Variants in PTPRD observed in about 807,000 individuals in gnomAD.
PTPRD encodes the protein protein tyrosine phosphatase receptor type D.
A neutral mutation model predicts 214.5 loss-of-function variants in PTPRD; 34 were observed. That is an observed-to-expected ratio of 0.16 (90% CI 0.12 to 0.21). The LOEUF (loss-of-function observed/expected upper bound fraction) is 0.21, where lower values mean the gene tolerates loss of function less well. PTPRD is among the 10% of genes least tolerant of loss of function. PTPRD has a pLI of 1.00. For missense variants in PTPRD, 2,545 were observed against 2,398.7 expected, an observed-to-expected ratio of 1.06 and a Z score of -1.27; for synonymous variants, 1,128 against 845.7, an observed-to-expected ratio of 1.33 and a Z score of -5.79.
intron 14 of PTPRD, among the ~76,000 whole-genome samples, chr9:8,545,538 T>C (rs2079834005): frequency 6.6e-6 from 1 of 152,228 alleles, no homozygotes; most frequent in Admixed American, 6.5e-5. Flanking sequence ...CAGAGTCAAC[T>C]ATCACTGATT....
chr9:8,910,020 A>AATTT (rs1357767144), intron 11 of PTPRD, among the ~76,000 whole-genome samples: 28 of 151,674 alleles, frequency 1.8e-4, no homozygotes, highest in African/African-American at 6.3e-4. Flanking sequence ...CTTATGTAGA[A>AATTT]ATTTATTTAT....
At chr9:8,553,254 G>GA (rs2082646084) in intron 14 of PTPRD, among the ~76,000 whole-genome samples, 1 of 152,080 alleles carries the variant, frequency 6.6e-6, no homozygotes, top group Admixed American at 6.6e-5. Context: ...TGCCTTTATA[G>GA]AAATATTAGT....
At chr9:10,087,091 A>G (rs1021646860) in intron 3 of PTPRD, among the ~76,000 whole-genome samples, 3 of 151,558 alleles carry the variant, frequency 2.0e-5, no homozygotes, top group Non-Finnish European at 4.4e-5. Flanking sequence ...GAAAACAAAA[A>G]ACAAAGAATC....
intron 8 of PTPRD, among the ~76,000 whole-genome samples, chr9:9,549,047 T>C (rs1486012057): frequency 1.3e-5 from 2 of 152,198 alleles, no homozygotes; most frequent in South Asian, 2.1e-4. Context: ...TCAGAATATA[T>C]CTCTTTTCAA....
intron 10 of PTPRD, among the ~76,000 whole-genome samples, chr9:9,069,974 C>G (rs1376893356): frequency 6.6e-6 from 1 of 152,144 alleles, no homozygotes; most frequent in Non-Finnish European, 1.5e-5. Flanking sequence ...TCCTAGGTGT[C>G]TGTGAGAGAA....
chr9:10,162,263 C>T (rs1447652040), intron 3 of PTPRD, among the ~76,000 whole-genome samples: 2 of 151,256 alleles, frequency 1.3e-5, no homozygotes, highest in East Asian at 3.9e-4. Context: ...CTGTAGCACC[C>T]TTTACAAAAA....
chr9:9,730,268 C>G (rs534301314), intron 7 of PTPRD, among the ~76,000 whole-genome samples: 6 of 152,106 alleles, frequency 3.9e-5, no homozygotes, highest in Admixed American at 2.0e-4. Context: ...ACCTATAATA[C>G]TGTTAAAAAA....
chr9:9,725,690 A>G (rs977841728), intron 7 of PTPRD, among the ~76,000 whole-genome samples: 2 of 152,210 alleles, frequency 1.3e-5, no homozygotes, highest in African/African-American at 4.8e-5. Flanking sequence ...AAAGAAACAA[A>G]TGTGTATGTT....
At chr9:8,381,348 T>A (rs1047602203) in intron 37 of PTPRD, among the ~76,000 whole-genome samples, 19 of 152,196 alleles carry the variant, frequency 1.2e-4, no homozygotes, top group Non-Finnish European at 2.4e-4. Flanking sequence ...TGCTGAACTA[T>A]TTATTTCTAC....
At chr9:9,215,007 A>G (rs2099951229) in intron 9 of PTPRD, among the ~76,000 whole-genome samples, 1 of 152,194 alleles carries the variant, frequency 6.6e-6, no homozygotes, top group African/African-American at 2.4e-5. Context: ...CCTCTTGAAC[A>G]CACACTACTT....
At chr9:8,712,704 G>C (rs1233962352) in intron 12 of PTPRD, among the ~76,000 whole-genome samples, 1 of 144,336 alleles carries the variant, frequency 6.9e-6, no homozygotes, top group East Asian at 2.1e-4. Flanking sequence ...AATATGCAAA[G>C]ATCGTATCAA....
chr9:9,573,660 G>A (rs562128735), intron 8 of PTPRD, among the ~76,000 whole-genome samples: 187 of 151,508 alleles, frequency 1.2e-3, no homozygotes, highest in African/African-American at 4.3e-3. Flanking sequence ...TAAGTACTTG[G>A]GGATAAAATT....
chr9:9,239,390 C>T (rs573439229), intron 9 of PTPRD, among the ~76,000 whole-genome samples: 1 of 152,166 alleles, frequency 6.6e-6, no homozygotes, highest in East Asian at 1.9e-4. Context: ...CCTGGGATTG[C>T]TGGTTAGACA....
intron 39 of PTPRD, among the ~76,000 whole-genome samples, chr9:8,358,569 T>C (rs1309097067): frequency 6.6e-6 from 1 of 152,110 alleles, no homozygotes. Context: ...TGTAAACCTA[T>C]TTCCTAAGTT....
chr9:10,347,602 G>C (rs1398281949), intron 2 of PTPRD, among the ~76,000 whole-genome samples: 1 of 151,396 alleles, frequency 6.6e-6, no homozygotes, highest in African/African-American at 2.4e-5. Context: ...GTAGAGACGG[G>C]GTTTCTCCAT....
intron 45 of PTPRD, among the ~76,000 whole-genome samples, chr9:8,319,523 A>T (rs1195233682): frequency 2.0e-5 from 3 of 151,886 alleles, no homozygotes; most frequent in African/African-American, 7.2e-5. Flanking sequence ...TTATATATTT[A>T]TATTATAGGA....
chr9:8,892,317 G>A (rs1455192380), intron 11 of PTPRD, among the ~76,000 whole-genome samples: 1 of 152,078 alleles, frequency 6.6e-6, no homozygotes, highest in Non-Finnish European at 1.5e-5. Flanking sequence ...GGAGGAAAGA[G>A]GACCTTTCTT....
chr9:10,553,381 T>C (rs1415386730), intron 2 of PTPRD, among the ~76,000 whole-genome samples: 1 of 151,522 alleles, frequency 6.6e-6, no homozygotes, highest in South Asian at 2.1e-4. Context: ...GTAATGGTTA[T>C]ACAGGAAAAA....
At position 8,316,552 on chromosome 9, in the gene PTPRD, T is replaced by C. The variant is rs1392872779; in HGVS notation, c.*1322A>G. 1 of 230,592 alleles carries C rather than the reference T, an allele frequency of 4.3e-6. No individual in the cohort carries two copies. The highest frequency in any genetic ancestry group is 2.2e-5 in the African/African-American group (1 of 44,986). 14.3% of individuals were successfully genotyped at this position (230,592 alleles called of 1,614,324 possible). ...TTAAACAACTCGATAGCTGATATATTACAACATTCTCCCCTCCTAAAGGGA... is the reference window on the plus strand; with the variant it reads ...TTAAACAACTCGATAGCTGATATATCACAACATTCTCCCCTCCTAAAGGGA... On this transcript the variant is annotated 3_prime_UTR_variant, in exon 46 of 46. Coordinates refer to ENST00000381196, the MANE Select transcript of PTPRD (RefSeq NM_002839.4).
Sources: gnomAD v4.1 joint callset for allele counts (sites outside exome capture counted in the v4.1 genomes callset) on GRCh38, gnomAD v4.1.1 for gene constraint, MANE v1.5 for transcripts, NCBI Gene and HGNC (gene_info 2026-07-23, HGNC 2026-07-21) for gene names.